Variants in INHBB observed in about 807,000 individuals in gnomAD.
The protein encoded by INHBB is inhibin subunit beta B.
Under a neutral mutation model 28.9 loss-of-function variants are expected in INHBB, and 8 were observed. The observed-to-expected ratio is 0.28, with a 90% CI of 0.16 to 0.50. The LOEUF (loss-of-function observed/expected upper bound fraction) is 0.50, where lower values mean the gene tolerates loss of function less well. Ranked by LOEUF, INHBB falls within the 20% of genes least tolerant of loss-of-function variation. INHBB has a pLI of 0.98. For synonymous variants in INHBB, 293 were observed against 262.7 expected (o/e 1.12, Z -1.12); for missense variants, 499 against 597.8 (o/e 0.83, Z 1.72).
intron 1 of INHBB, 152 bp downstream of exon 1, chr2:120,346,788 G>A: frequency 3.8e-6 from 3 of 790,972 alleles, no homozygotes; most frequent in Non-Finnish European, 5.4e-6. Flanking sequence ...GTGGCCCTGC[G>A]CGCTCCGCCC....
At position 120,349,498 on chromosome 2, in the gene INHBB, G is replaced by T; in HGVS notation, c.848G>T (p.Gly283Val). ...RPFVVVQARLGDSRHRIRKRG... is the reference protein window; with the variant it reads ...RPFVVVQARLVDSRHRIRKRG... The stretch of plus-strand genomic sequence containing the variant: ...TTTGTGGTGGTGCAGGCTCGGCTGG[G>T]CGACAGCAGGCACCGCATTCGCAAG... Residue 283 changes from glycine (G) to valine (V), a missense_variant, in exon 2 of 2, where the codon GGC becomes GTC. This residue lies in a region of INHBB where 114 missense variants were observed against 182.6 expected (regional missense o/e 0.62). Transcript: ENST00000295228. The surrounding 1 kb of genome is among the most constrained non-coding windows in gnomAD (Gnocchi z 5.6). 4.3e-6 allele frequency: 7 copies of T among 1,613,480 alleles called. No homozygotes were observed. The highest frequency in any genetic ancestry group is 5.9e-6 in the Non-Finnish European group (7 of 1,179,958).
chr2:120,346,314 C>T lies in INHBB; in HGVS notation c.126C>T (p.Pro42=), dbSNP rs935043622. ...CGACGCCTGCCGCGCCGCCGCCACC[C>T]CCGCCACCCGGATCCCCGGGTGGCT... ...PPPTPAAPPP[P]PPPGSPGGSQ... is the part of the protein sequence containing the mutation. Residue 42 remains proline, a synonymous_variant, in exon 1 of 2, where the codon CCC becomes CCT. Coordinates refer to ENST00000295228, the MANE Select transcript of INHBB (RefSeq NM_002193.4). 1.4e-6 allele frequency: 2 copies of T among 1,383,158 alleles called. No homozygotes were observed. The highest frequency in any genetic ancestry group is 9.3e-7 in the Non-Finnish European group (1 of 1,075,876). 85.7% of individuals were successfully genotyped at this position (1,383,158 alleles called of 1,614,324 possible).
In INHBB at chr2:120,346,526, G is replaced by T; in HGVS notation, c.338G>T (p.Gly113Val). 6.5e-7 allele frequency: 1 copy of T among 1,528,520 alleles called. No homozygotes were observed. The highest frequency in any genetic ancestry group is 1.2e-5 in the South Asian group (1 of 83,662). 94.7% of individuals were successfully genotyped at this position (1,528,520 alleles called of 1,614,324 possible). A position where few individuals can be genotyped will look rare whatever the true frequency, so the allele number is the denominator to read the frequency against. ...MVTALRKLHA[G>V]KVREDGRVEI... ...ACGGCCCTGCGCAAGCTGCACGCGG[G>T]CAAGGTGCGCGAGGACGGCCGCGTG... The change falls in exon 1 of 2, where the codon GGC (glycine) becomes GTC (valine). Residue 113 changes from glycine to valine, a missense_variant. Physicochemically the swap from Gly to Val is moderately radical, Grantham distance 109 (BLOSUM62 -3). Around this residue, in one of 2 missense-constraint regions of INHBB, gnomAD observed 385 missense variants for 415.2 expected, o/e 0.93. Transcript: ENST00000295228.
chr2:120,347,737 G>GGGGATGAAAA (rs1222636853), intron 1 of INHBB, among the ~76,000 whole-genome samples: 1 of 152,236 alleles, frequency 6.6e-6, no homozygotes, highest in Non-Finnish European at 1.5e-5. Context: ...CAGGCAGCCC[G>GGGGATGAAAA]GGGATGAAAA....
rs1691235599 is a variant in INHBB at position 120,350,193 on chromosome 2, C to T, written c.*319C>T. ...GATGCGGTGACAAATGGCAGCTTAG[C>T]TACAAATGCCTGTCAGTCGGAGAGA... On this transcript the variant is annotated 3_prime_UTR_variant, in exon 2 of 2. Transcript: ENST00000295228. 2.9e-6 allele frequency: 1 copy of T among 342,244 alleles called. No homozygotes were observed. The highest frequency in any genetic ancestry group is 4.5e-5 in the Admixed American group (1 of 22,148). The allele number at this position is 342,244 out of a possible 1,614,324, so 21.2% of individuals were successfully genotyped here.
rs1691229187 is a variant in INHBB, at chr2:120,349,806, G to A, written c.1156G>A (p.Asp386Asn). 6.2e-7 allele frequency: 1 copy of A among 1,613,102 alleles called. No individual in the cohort carries two copies. Among genetic ancestry groups the A allele is most frequent in the African/African-American group, 1.3e-5 (1 of 74,936 alleles). The change falls in exon 2 of 2, where the codon GAT becomes AAT. Residue 386 changes from aspartate (D) to asparagine (N), a missense_variant. Coordinates refer to ENST00000295228, the MANE Select transcript of INHBB (RefSeq NM_002193.4). The surrounding 1 kb of genome is among the most constrained non-coding windows in gnomAD (Gnocchi z 5.6). The part of the protein sequence containing the change: ...KLSTMSMLYF[D>N]DEYNIVKRDV... ...GAGCACCATGTCCATGCTGTACTTCGATGATGAGTACAACATCGTCAAGCG... is the reference window on the plus strand; with the variant it reads ...GAGCACCATGTCCATGCTGTACTTCAATGATGAGTACAACATCGTCAAGCG...
Position 120,349,959 on chromosome 2 carries a change from CGGTG to C in INHBB, c.*88_*91del. ...CAGCCCCCGCGGGAACGGGGGTACA[CGGTG>C]GGCTGAGTACAGTCATTCTGTTGGG... On this transcript the variant is annotated 3_prime_UTR_variant, in exon 2 of 2. Transcript: ENST00000295228. This position sits in a 1 kb window ranked among gnomAD's most constrained non-coding sequence, Gnocchi z 5.6. 1.5e-6 allele frequency: 2 copies of C among 1,351,280 alleles called. No homozygotes were observed. The highest frequency in any genetic ancestry group is 2.0e-6 in the Non-Finnish European group (2 of 978,220). 83.7% of individuals were successfully genotyped at this position (1,351,280 alleles called of 1,614,324 possible).
At position 120,349,042 on chromosome 2, in the gene INHBB, C is replaced by G; in HGVS notation, c.449-57C>G. 1 of 1,530,566 alleles carries G rather than the reference C, an allele frequency of 6.5e-7. No homozygotes were observed. Among genetic ancestry groups the G allele is most frequent in the Non-Finnish European group, 8.8e-7 (1 of 1,133,654 alleles). The allele number at this position is 1,530,566 out of a possible 1,614,324, so 94.8% of individuals were successfully genotyped here. A position where few individuals can be genotyped will look rare whatever the true frequency, so the allele number is the denominator to read the frequency against. ...ATCCTGCAGCAGAGAGTGTGTTTCC[C>G]CCATTGCCTTGTGTTCTCCTTGAAT... On this transcript the variant is annotated intron_variant, in intron 1 of 1. Coordinates refer to ENST00000295228, the MANE Select transcript of INHBB (RefSeq NM_002193.4). The surrounding 1 kb of genome is among the most constrained non-coding windows in gnomAD (Gnocchi z 5.6).
Position 120,349,697 on chromosome 2 carries a change from C to G in INHBB, c.1047C>G (p.Ser349=). 1 of 1,613,872 alleles carries G rather than the reference C, an allele frequency of 6.2e-7. No individual in the cohort carries two copies. The highest frequency in any genetic ancestry group is 8.5e-7 in the Non-Finnish European group (1 of 1,180,038). The change falls in exon 2 of 2, where the codon TCC becomes TCG. Residue 349 remains serine, a synonymous_variant. Transcript: ENST00000295228. The surrounding 1 kb of genome is among the most constrained non-coding windows in gnomAD (Gnocchi z 5.6). Reference sequence around the variant, plus strand: ...CAGGGGTCCCCGGCTCTGCCTCCTCCTTCCACACGGCTGTGGTGAACCAGT... The same window carrying G: ...CAGGGGTCCCCGGCTCTGCCTCCTCGTTCCACACGGCTGTGGTGAACCAGT... ...YLAGVPGSAS[S]FHTAVVNQYR...
chr2:120,348,636 T>C (rs1691203279), intron 1 of INHBB, among the ~76,000 whole-genome samples: 1 of 147,494 alleles, frequency 6.8e-6, no homozygotes, highest in African/African-American at 2.5e-5. Flanking sequence ...CAGCTTGATT[T>C]TGCAATGCGC....
At position 120,350,011 on chromosome 2, in the gene INHBB, CG is replaced by C; in HGVS notation, c.*139del. 1.2e-6 allele frequency: 1 copy of C among 836,076 alleles called. No individual in the cohort carries two copies. Among genetic ancestry groups the C allele is most frequent in the Non-Finnish European group, 1.8e-6 (1 of 547,178 alleles). 51.8% of individuals were successfully genotyped at this position (836,076 alleles called of 1,614,324 possible). A position where few individuals can be genotyped will look rare whatever the true frequency, so the allele number is the denominator to read the frequency against. On this transcript the variant is annotated 3_prime_UTR_variant, in exon 2 of 2. Coordinates refer to ENST00000295228, the MANE Select transcript of INHBB (RefSeq NM_002193.4). ...GGGCTGTGGAGATAGTGCCAGGGTG[CG>C]GCCTGAGATATTTTTCTACAGCTTC...
In INHBB at chr2:120,350,097, T is replaced by C. The variant is rs1558973796; in HGVS notation, c.*223T>C. On this transcript the variant is annotated 3_prime_UTR_variant, in exon 2 of 2. Transcript: ENST00000295228. ...TCAACTGACATGAAATACTTTAAAA[T>C]GCACACGTAGCCACGCACAGCCAGA... 3.6e-6 allele frequency: 2 copies of C among 554,144 alleles called. No individual in the cohort carries two copies. The highest frequency in any genetic ancestry group is 6.0e-5 in the East Asian group (2 of 33,318). The allele number at this position is 554,144 out of a possible 1,614,324, so 34.3% of individuals were successfully genotyped here. A position where few individuals can be genotyped will look rare whatever the true frequency, so the allele number is the denominator to read the frequency against.
chr2:120,349,237 A>T lies in INHBB; in HGVS notation c.587A>T (p.Lys196Met), dbSNP rs1209103585. ...PYVLEKGSRR[K>M]VRVKVYFQEQ... ...GTCCTGGAGAAGGGCAGCCGGCGGA[A>T]GGTGCGGGTCAAAGTGTACTTCCAG... is the stretch of plus-strand genomic sequence containing the variant. The change falls in exon 2 of 2, where the codon AAG (lysine) becomes ATG (methionine). Residue 196 changes from lysine (K) to methionine (M), a missense_variant. Around this residue, in one of 2 missense-constraint regions of INHBB, gnomAD observed 385 missense variants for 415.2 expected, o/e 0.93. Transcript: ENST00000295228. This position sits in a 1 kb window ranked among gnomAD's most constrained non-coding sequence, Gnocchi z 5.6. 1 of 1,614,152 alleles carries T rather than the reference A, an allele frequency of 6.2e-7. No individual in the cohort carries two copies. Among genetic ancestry groups the T allele is most frequent in the Non-Finnish European group, 8.5e-7 (1 of 1,180,036 alleles).
Position 120,349,872 on chromosome 2 carries a change from T to C in INHBB, c.1222T>C (p.Ter408ArgextTer42). 6.2e-7 allele frequency: 1 copy of C among 1,607,016 alleles called. No homozygotes were observed. Among genetic ancestry groups the C allele is most frequent in the Non-Finnish European group, 8.5e-7 (1 of 1,175,868 alleles). The change falls in exon 2 of 2, where the codon TGA becomes CGA. Residue 408 changes from the stop codon to arginine, a stop_lost. Coordinates refer to ENST00000295228, the MANE Select transcript of INHBB (RefSeq NM_002193.4). The surrounding 1 kb of genome is among the most constrained non-coding windows in gnomAD (Gnocchi z 5.6). ...NMIVEECGCA* is the reference protein window; with the variant it reads ...NMIVEECGCAR ...GATTGTGGAGGAGTGCGGCTGCGCC[T>C]GACAGTGCAAGGCAGGGGCACGGTG... is the stretch of plus-strand genomic sequence containing the variant.
In INHBB at chr2:120,349,903, G is replaced by T. The variant is rs773998293; in HGVS notation, c.*29G>T. ...TGCAAGGCAGGGGCACGGTGGTGGG[G>T]CACGGAGGGCAGTCCCGGGTGGGCT... On this transcript the variant is annotated 3_prime_UTR_variant, in exon 2 of 2. Transcript: ENST00000295228. The surrounding 1 kb of genome is among the most constrained non-coding windows in gnomAD (Gnocchi z 5.6). The T allele has an allele frequency of 1.9e-6, 3 of 1,584,296 alleles. No homozygotes were observed. Among genetic ancestry groups the T allele is most frequent in the Non-Finnish European group, 2.6e-6 (3 of 1,162,416 alleles).
At chr2:120,348,029 T>C (rs1466002603) in intron 1 of INHBB, among the ~76,000 whole-genome samples, 3 of 152,102 alleles carry the variant, frequency 2.0e-5, no homozygotes, top group East Asian at 3.9e-4. Flanking sequence ...CTTTGACTTA[T>C]AAATAACAGA....
Position 120,350,753 on chromosome 2 carries a change from A to G in INHBB, c.*879A>G, listed in dbSNP as rs1691245134. The G allele has an allele frequency of 6.6e-6, 1 of 152,262 alleles. No individual in the cohort carries two copies. The highest frequency in any genetic ancestry group is 2.4e-5 in the African/African-American group (1 of 41,456). 9.4% of individuals were successfully genotyped at this position (152,262 alleles called of 1,614,324 possible). ...TATGACCTTTTAAGTGAAAATCTGAATTGTTCTAAATGGAAAGAAAAAAAG... is the reference window on the plus strand; with the variant it reads ...TATGACCTTTTAAGTGAAAATCTGAGTTGTTCTAAATGGAAAGAAAAAAAG... On this transcript the variant is annotated 3_prime_UTR_variant, in exon 2 of 2. Coordinates refer to ENST00000295228, the MANE Select transcript of INHBB (RefSeq NM_002193.4).
Position 120,350,034 on chromosome 2 carries a change from C to G in INHBB, c.*160C>G. On this transcript the variant is annotated 3_prime_UTR_variant, in exon 2 of 2. Transcript: ENST00000295228. ...TGCGGCCTGAGATATTTTTCTACAG[C>G]TTCATAGAGCAACCAGTCAAAACCA... 1 of 688,552 alleles carries G rather than the reference C, an allele frequency of 1.5e-6. No homozygotes were observed. The highest frequency in any genetic ancestry group is 2.4e-6 in the Non-Finnish European group (1 of 417,824). 42.7% of individuals were successfully genotyped at this position (688,552 alleles called of 1,614,324 possible). A position where few individuals can be genotyped will look rare whatever the true frequency, so the allele number is the denominator to read the frequency against.
intron 1 of INHBB, among the ~76,000 whole-genome samples, chr2:120,347,290 C>T (rs955913655): frequency 2.0e-5 from 3 of 152,038 alleles, no homozygotes; most frequent in African/African-American, 4.8e-5. Context: ...AGCCGCGGTT[C>T]GGGGACAGCC....
Sources: allele counts gnomAD v4.1 joint callset (sites outside exome capture counted in the v4.1 genomes callset), GRCh38; gene constraint gnomAD v4.1.1; regional missense constraint gnomAD v4.1.1; non-coding constraint Gnocchi (gnomAD v3.1); transcripts MANE v1.5; gene names NCBI Gene and HGNC (gene_info 2026-07-23, HGNC 2026-07-21).